Variants in UMOD observed in about 807,000 individuals in gnomAD.
UMOD encodes uromodulin, also known as Tamm-Horsfall urinary glycoprotein.
A neutral mutation model predicts 66.0 loss-of-function variants in UMOD; 64 were observed. The ratio of observed to expected loss-of-function variants is 0.97; its 90% CI spans 0.79 to 1.19. UMOD has a LOEUF of 1.19. Ranked by LOEUF, UMOD falls within the 50% of genes most tolerant of loss-of-function variation. The pLI is 0.00. For synonymous variants in UMOD, 398 were observed against 352.7 expected (o/e 1.13, Z -1.44); for missense variants, 764 against 850.9 (o/e 0.90, Z 1.27).
At chr16:20,343,521 T>C (rs757539963) in intron 6 of UMOD, among the ~76,000 whole-genome samples, 1 of 152,238 alleles carries the variant, frequency 6.6e-6, no homozygotes, top group Non-Finnish European at 1.5e-5. Flanking sequence ...CCTGCCTCTT[T>C]GAAAAGTAGA....
At chr16:20,347,475 A>G (rs1965653647) in intron 4 of UMOD, among the ~76,000 whole-genome samples, 2 of 152,216 alleles carry the variant, frequency 1.3e-5, no homozygotes, top group African/African-American at 4.8e-5. Flanking sequence ...TTATGGAAGT[A>G]TTACACAACT....
intron 6 of UMOD, among the ~76,000 whole-genome samples, chr16:20,342,234 C>G (rs1369085962): frequency 6.6e-6 from 1 of 152,160 alleles, no homozygotes; most frequent in Non-Finnish European, 1.5e-5. Context: ...TGTCTGTAGT[C>G]CTAGCCACCT....
chr16:20,336,385 A>T (rs981073860), intron 9 of UMOD, among the ~76,000 whole-genome samples: 4 of 152,224 alleles, frequency 2.6e-5, no homozygotes, highest in African/African-American at 9.6e-5. Flanking sequence ...TGTCTGGATG[A>T]TCTACATTCC....
Position 20,348,995 on chromosome 16 carries a change from G to C in UMOD, c.306C>G (p.Pro102=), listed in dbSNP as rs769310428. The C allele has an allele frequency of 3.2e-6, 5 of 1,578,156 alleles. No individual in the cohort carries two copies. Among genetic ancestry groups the C allele is most frequent in the African/African-American group, 2.7e-5 (2 of 74,106 alleles). ...CVCPEGFRLS[P]GLGCTDVDEC... The stretch of plus-strand genomic sequence containing the variant: ...CATCCACGTCTGTGCAGCCGAGACC[G>C]GGCGACAGGCGGAAGCCTTCGGGGC... The change falls in exon 3 of 11, where the codon CCC becomes CCG. Residue 102 remains proline, a synonymous_variant. Coordinates refer to ENST00000396138, the MANE Select transcript of UMOD (RefSeq NM_003361.4).
upstream of UMOD, chr16:20,352,963 G>C (rs75124070): frequency 2.7e-6 from 1 of 377,318 alleles, no homozygotes; most frequent in African/African-American, 2.1e-5. Context: ...TCACTGTTTC[G>C]CACCTTCTAA....
Position 20,349,111 on chromosome 16 carries a change from C to G in UMOD, c.190G>C (p.Val64Leu), listed in dbSNP as rs1320992304. 2 of 1,614,018 alleles carry G rather than the reference C, an allele frequency of 1.2e-6. No homozygotes were observed. The highest frequency in any genetic ancestry group is 1.7e-6 in the Non-Finnish European group (2 of 1,179,984). Residue 64 changes from valine to leucine, a missense_variant, in exon 3 of 11, where the codon GTG becomes CTG. By Grantham distance (32) the Val-to-Leu change is conservative (BLOSUM62 1). Coordinates refer to ENST00000396138, the MANE Select transcript of UMOD (RefSeq NM_003361.4). ...EGFTGDGLTC[V>L]DLDECAIPGA... ...GGAATGGCGCACTCATCCAGGTCCA[C>G]GCAGGTCAGGCCATCGCCGGTGAAG...
chr16:20,352,171 G>C (rs1772337435), intron 1 of UMOD, among the ~76,000 whole-genome samples: 1 of 151,984 alleles, frequency 6.6e-6, no homozygotes. Context: ...ACAACCCTAT[G>C]AGATAAGTAT....
intron 1 of UMOD, 74 bp from the exon 2 acceptor site, chr16:20,350,913 G>T (rs1207717836): frequency 1.4e-6 from 2 of 1,441,596 alleles, no homozygotes; most frequent in East Asian, 2.5e-5. Flanking sequence ...TGCTTTGATT[G>T]TATAGTATAC....
intron 7 of UMOD, among the ~76,000 whole-genome samples, 158 bp downstream of exon 7, chr16:20,340,933 G>A (rs1293224855): frequency 2.7e-5 from 4 of 150,914 alleles, no homozygotes; most frequent in Non-Finnish European, 2.9e-5. Flanking sequence ...GGCGGAGGTT[G>A]CAGTGAGCCG....
chr16:20,337,522 C>T, intron 7 of UMOD, 69 bp from the exon 8 acceptor site: 1 of 1,593,748 alleles, frequency 6.3e-7, no homozygotes, highest in Non-Finnish European at 8.6e-7. Context: ...TTCCTGGATT[C>T]AAATATTGCT....
chr16:20,352,635 C>A, intron 1 of UMOD, 54 bp downstream of exon 1: 5 of 1,217,446 alleles, frequency 4.1e-6, no homozygotes, highest in Non-Finnish European at 5.1e-6. Context: ...CTACCTCCCT[C>A]AAATAGGATG....
chr16:20,355,677 G>T (rs1966016787), upstream of UMOD, among the ~76,000 whole-genome samples: 1 of 152,106 alleles, frequency 6.6e-6, no homozygotes, highest in South Asian at 2.1e-4. Context: ...TGGGATTACA[G>T]ACATGAGCCA....
chr16:20,333,396 G>C (rs1964694922), intron 10 of UMOD, 21 bp from the exon 11 acceptor site: 1 of 1,606,534 alleles, frequency 6.2e-7, no homozygotes, highest in African/African-American at 1.3e-5. Flanking sequence ...AACAGTGACA[G>C]GGCAACTGCT....
At chr16:20,352,723 A>C (rs1965955834), upstream of UMOD, 1 of 1,231,538 alleles carries the variant, frequency 8.1e-7, no homozygotes, top group Non-Finnish European at 1.0e-6. Context: ...TCTGGTCATG[A>C]TGTGCCTCAT....
At chr16:20,347,203 A>T (rs58768874) in intron 4 of UMOD, among the ~76,000 whole-genome samples, 1,652 of 152,230 alleles carry the variant, frequency 0.011, 70 homozygotes, top group South Asian at 0.11. Flanking sequence ...TTGTATTTTT[A>T]GTAGAGATGG....
At chr16:20,333,401 A>G in intron 10 of UMOD, 26 bp from the exon 11 acceptor site, 1 of 1,596,362 alleles carries the variant, frequency 6.3e-7, no homozygotes, top group South Asian at 1.1e-5. Context: ...TGACAGGGCA[A>G]CTGCTAGTAC....
intron 7 of UMOD, among the ~76,000 whole-genome samples, chr16:20,339,994 C>T (rs1256309021): frequency 1.3e-5 from 2 of 152,196 alleles, no homozygotes; most frequent in African/African-American, 4.8e-5. Context: ...CTAACCATGC[C>T]CATGTCTTAC....
In UMOD at chr16:20,348,668, C is replaced by G. The variant is rs1420458653; in HGVS notation, c.633G>C (p.Ala211=). 6.4e-7 allele frequency: 1 copy of G among 1,556,544 alleles called. No homozygotes were observed. The highest frequency in any genetic ancestry group is 1.9e-5 in the Admixed American group (1 of 53,358). Residue 211 remains alanine, a synonymous_variant, in exon 3 of 11, where the codon GCG becomes GCC. Coordinates refer to ENST00000396138, the MANE Select transcript of UMOD (RefSeq NM_003361.4). ...GWYRFVGQGG[A]RMAETCVPVL... Reference sequence around the variant, plus strand: ...CTGGCACGCAGGTCTCGGCCATGCGCGCACCGCCCTGGCCCACGAAGCGGT... The same window carrying G: ...CTGGCACGCAGGTCTCGGCCATGCGGGCACCGCCCTGGCCCACGAAGCGGT...
chr16:20,354,069 C>T (rs912930719), upstream of UMOD, among the ~76,000 whole-genome samples: 2 of 152,188 alleles, frequency 1.3e-5, no homozygotes, highest in African/African-American at 4.8e-5. Flanking sequence ...ATCCATGTCC[C>T]TACAAAGGAC....
Sources: gnomAD v4.1 joint callset for allele counts (sites outside exome capture counted in the v4.1 genomes callset) on GRCh38, gnomAD v4.1.1 for gene constraint, MANE v1.5 for transcripts, NCBI Gene and HGNC (gene_info 2026-07-23, HGNC 2026-07-21) for gene names.